Variants in GPC5 observed in about 807,000 individuals in gnomAD.
GPC5 encodes glypican-5.
Under a neutral mutation model 53.9 loss-of-function variants are expected in GPC5, and 47 were observed. The observed-to-expected ratio is 0.87, with a 90% confidence interval of 0.69 to 1.11. GPC5 has a LOEUF of 1.11. GPC5 is among the 50% of genes most tolerant of loss of function. GPC5 has a pLI of 0.00. For missense variants in GPC5, 748 were observed against 713.1 expected (o/e 1.05, Z -0.56); for synonymous variants, 286 against 263.3 (o/e 1.09, Z -0.84).
chr13:92,125,054 A>T (rs1342713298), intron 6 of GPC5, among the ~76,000 whole-genome samples: 1 of 152,166 alleles, frequency 6.6e-6, no homozygotes, highest in East Asian at 1.9e-4. Flanking sequence ...TCTTGCTGGC[A>T]TTCCCTCTTG....
At chr13:91,772,631 A>G (rs1433398463) in intron 5 of GPC5, among the ~76,000 whole-genome samples, 1 of 152,218 alleles carries the variant, frequency 6.6e-6, no homozygotes, top group Non-Finnish European at 1.5e-5. Context: ...ATTTAAAAGA[A>G]ATACCAATTA....
chr13:92,171,952 CATT>C (rs1389765399), intron 7 of GPC5, among the ~76,000 whole-genome samples: 1 of 152,178 alleles, frequency 6.6e-6, no homozygotes, highest in East Asian at 1.9e-4. Context: ...TTGGGATTTC[CATT>C]CACACATGCT....
At chr13:92,203,921 G>GA (rs538425335) in intron 7 of GPC5, among the ~76,000 whole-genome samples, 21 of 150,900 alleles carry the variant, frequency 1.4e-4, no homozygotes, top group African/African-American at 2.9e-4. Flanking sequence ...TTTCTCAAAT[G>GA]AAAAAAAAGA....
chr13:92,239,165 T>C (rs200885992), intron 7 of GPC5, among the ~76,000 whole-genome samples: 2 of 149,980 alleles, frequency 1.3e-5, no homozygotes, highest in Non-Finnish European at 1.5e-5. Context: ...TTTTTTTTTT[T>C]TCAAGATTCT....
chr13:92,104,884 T>C (rs1228831743), intron 6 of GPC5, among the ~76,000 whole-genome samples: 1 of 152,094 alleles, frequency 6.6e-6, no homozygotes. Flanking sequence ...TCCATCAAGA[T>C]CTTTGCAGTG....
At chr13:92,514,552 A>C (rs1272921516) in intron 7 of GPC5, among the ~76,000 whole-genome samples, 1 of 152,090 alleles carries the variant, frequency 6.6e-6, no homozygotes, top group Non-Finnish European at 1.5e-5. Flanking sequence ...TCTCCCTTTC[A>C]TAGATGTGTA....
chr13:92,816,581 C>A (rs1057461838), intron 7 of GPC5, among the ~76,000 whole-genome samples: 1 of 151,938 alleles, frequency 6.6e-6, no homozygotes, highest in Non-Finnish European at 1.5e-5. Context: ...TTCATTCTCA[C>A]CTTGCTTTCA....
At position 91,781,415 on chromosome 13, in the gene GPC5, A is replaced by G. The variant is rs559168986; in HGVS notation, c.1280+24995A>G. On this transcript the variant is annotated intron_variant, in intron 5 of 7. Transcript: ENST00000377067. The stretch of plus-strand genomic sequence containing the variant: ...GATGTACTGATTTACTTCAATACTC[A>G]CTAACAAATCTAACCTTTTATTTAT... 3.9e-5 allele frequency among the ~76,000 whole-genome samples: 6 copies of G among 152,372 alleles called. No individual in the cohort carries two copies. The South Asian group carries it at 1.2e-3, about 32-fold the overall frequency.
chr13:92,808,904 C>A (rs1877195670), intron 7 of GPC5, among the ~76,000 whole-genome samples: 1 of 152,046 alleles, frequency 6.6e-6, no homozygotes. Flanking sequence ...TTAAATGAGA[C>A]CACATTTTAC....
intron 7 of GPC5, among the ~76,000 whole-genome samples, chr13:92,527,113 AAAGAAAGAAAGAAAG>A (rs1566276391): frequency 6.2e-5 from 3 of 48,332 alleles, no homozygotes; most frequent in African/African-American, 2.3e-4. Context: ...AAGAAAAAAG[AAAGAAAGAAAGAAAG>A]AAAGAAAGAA....
At chr13:92,327,371 G>A (rs2043259183) in intron 7 of GPC5, among the ~76,000 whole-genome samples, 1 of 152,122 alleles carries the variant, frequency 6.6e-6, no homozygotes, top group Non-Finnish European at 1.5e-5. Context: ...ACATGCTTGT[G>A]TTACTATCTT....
At chr13:92,710,408 T>C (rs2139268306) in intron 7 of GPC5, among the ~76,000 whole-genome samples, 1 of 152,308 alleles carries the variant, frequency 6.6e-6, no homozygotes, top group Middle Eastern at 3.4e-3. Flanking sequence ...AAAAAAAGTT[T>C]TTAAAAAGTA....
chr13:92,802,103 T>C (rs1402379206), intron 7 of GPC5, among the ~76,000 whole-genome samples: 1 of 149,412 alleles, frequency 6.7e-6, no homozygotes, highest in East Asian at 2.0e-4. Flanking sequence ...CCTGCAAATC[T>C]CCATTAATAA....
chr13:91,833,756 A>T (rs1385477399), intron 5 of GPC5, among the ~76,000 whole-genome samples: 2 of 152,140 alleles, frequency 1.3e-5, no homozygotes, highest in Non-Finnish European at 2.9e-5. Flanking sequence ...AAATAATAAT[A>T]GCTATTTATG....
chr13:92,057,517 T>C (rs1425128288), intron 6 of GPC5, among the ~76,000 whole-genome samples: 2 of 152,188 alleles, frequency 1.3e-5, no homozygotes, highest in African/African-American at 4.8e-5. Context: ...CTTTAGTACA[T>C]TGAATTTAGT....
At chr13:92,383,603 A>G (rs2043768273) in intron 7 of GPC5, among the ~76,000 whole-genome samples, 1 of 152,170 alleles carries the variant, frequency 6.6e-6, no homozygotes, top group African/African-American at 2.4e-5. Context: ...GAAAAGAAAC[A>G]CAGAGGAAAT....
Position 91,920,926 on chromosome 13 carries a change from C to A in GPC5, c.1401+12869C>A, listed in dbSNP as rs9523450. On this transcript the variant is annotated intron_variant, in intron 6 of 7. Transcript: ENST00000377067. ...TTTAAATCTCTCTCTCTCTCTCTCT[C>A]TTTTTTTTTTTTTTTTTTTTTTTTT... Among the ~76,000 whole-genome samples the A allele has an allele frequency of 9.3e-5, 3 of 32,162 alleles. No homozygotes were observed. The Admixed American group carries it at 1.2e-3, about 13-fold the overall frequency. The allele number at this position is 32,162 out of a possible 152,430, so 21.1% of individuals were successfully genotyped here. A position where few individuals can be genotyped will look rare whatever the true frequency, so the allele number is the denominator to read the frequency against.
At position 92,767,107 on chromosome 13, in the gene GPC5, G is replaced by C. The variant is rs76233529; in HGVS notation, c.1562-99175G>C. ...ATGAGACAGGAAATTGACTCCATGG[G>C]AGAAAGAAGCAGTGAGGCACATTGT... On this transcript the variant is annotated intron_variant, in intron 7 of 7. Transcript: ENST00000377067. Among the ~76,000 whole-genome samples the C allele has an allele frequency of 6.4e-3, 978 of 152,296 alleles. 10 individuals carry two copies. The highest frequency in any genetic ancestry group is 0.023 in the African/African-American group (936 of 41,538).
chr13:92,124,594 C>A (rs963607297), intron 6 of GPC5, among the ~76,000 whole-genome samples: 2 of 152,128 alleles, frequency 1.3e-5, no homozygotes, highest in Non-Finnish European at 2.9e-5. Flanking sequence ...AAAATAGTCA[C>A]CCACATGTTA....
Sources: allele counts gnomAD v4.1 joint callset (sites outside exome capture counted in the v4.1 genomes callset), GRCh38; gene constraint gnomAD v4.1.1; transcripts MANE v1.5; gene names NCBI Gene and HGNC (gene_info 2026-07-23, HGNC 2026-07-21).